SEM1: variants seen among roughly 807,000 people sequenced by gnomAD.
The protein encoded by SEM1 is 26S proteasome complex subunit SEM1.
In SEM1, 3 loss-of-function variants were observed where a neutral mutation model predicts 12.7. The observed-to-expected ratio is 0.24, with a 90% CI of 0.11 to 0.61. The LOEUF (loss-of-function observed/expected upper bound fraction) is 0.61. Among genes scored for constraint, SEM1 ranks in the 20% least tolerant of loss-of-function variants. The probability of loss-of-function intolerance (pLI) is 0.88; values close to 1 mark genes in which losing one functional copy is unlikely to be tolerated. For missense variants in SEM1, 59 were observed against 81.3 expected (o/e 0.73, Z 1.06); for synonymous variants, 30 against 27.8 (o/e 1.08, Z -0.25).
chr7:96,708,116 A>G (rs963208530), intron 1 of SEM1: 22 of 152,204 alleles, frequency 1.4e-4, no homozygotes, highest in African/African-American at 5.1e-4. Context: ...TGCTATTTGA[A>G]GTATTAAGTT....
intron 2 of SEM1, among the ~76,000 whole-genome samples, chr7:96,518,878 G>T (rs1477389356): frequency 6.6e-6 from 1 of 152,166 alleles, no homozygotes; most frequent in Non-Finnish European, 1.5e-5. Flanking sequence ...AGTATGTGCT[G>T]CCATTATCCA....
chr7:96,587,850 A>G (rs2116113099), intron 2 of SEM1, among the ~76,000 whole-genome samples: 1 of 152,342 alleles, frequency 6.6e-6, no homozygotes, highest in South Asian at 2.1e-4. Flanking sequence ...CTTGTTCAAT[A>G]AATTTGACAT....
At chr7:96,544,909 G>T (rs1278222817) in intron 2 of SEM1, among the ~76,000 whole-genome samples, 1 of 151,902 alleles carries the variant, frequency 6.6e-6, no homozygotes, top group African/African-American at 2.4e-5. Flanking sequence ...CCTTGGTCTT[G>T]CTGTCTCAGG....
intron 2 of SEM1, among the ~76,000 whole-genome samples, chr7:96,657,973 C>T (rs757647715): frequency 3.3e-5 from 5 of 152,202 alleles, no homozygotes; most frequent in Non-Finnish European, 5.9e-5. Context: ...CACCTGCTGA[C>T]AGGGTCTTTC....
At chr7:96,496,206 A>C in intron 1 of SEM1, 1 of 874,124 alleles carries the variant, frequency 1.1e-6, no homozygotes, top group Non-Finnish European at 1.8e-6. Context: ...GTCATAGTAC[A>C]CTCAAGGTAT....
At chr7:96,579,449 T>C (rs1806313087) in intron 2 of SEM1, among the ~76,000 whole-genome samples, 1 of 152,210 alleles carries the variant, frequency 6.6e-6, no homozygotes, top group Admixed American at 6.5e-5. Context: ...TCATAAATGA[T>C]GACAGAGGAG....
chr7:96,623,497 A>C (rs1807959480), intron 2 of SEM1, among the ~76,000 whole-genome samples: 1 of 147,488 alleles, frequency 6.8e-6, no homozygotes, highest in Admixed American at 6.8e-5. Flanking sequence ...TAAATAGATA[A>C]ATTTGTATAA....
At position 96,591,569 on chromosome 7, in the gene SEM1, A is replaced by G. The variant is rs541571555; in HGVS notation, c.171-84871T>C. Among the ~76,000 whole-genome samples, 158 of 152,352 alleles carry G rather than the reference A, an allele frequency of 1.0e-3. 1 individual carries two copies. Among genetic ancestry groups the G allele is most frequent in the Non-Finnish European group, 1.4e-3 (95 of 68,030 alleles). On this transcript the variant is annotated intron_variant and NMD_transcript_variant, in intron 2 of 3. Coordinates refer to the SEM1 transcript ENST00000466986. ...ATAGCTAGCTCTACACATGCACTCCATATAAAACTGATGATTTCATCAGAT... is the reference window on the plus strand; with the variant it reads ...ATAGCTAGCTCTACACATGCACTCCGTATAAAACTGATGATTTCATCAGAT...
At chr7:96,597,353 G>C (rs937618873) in intron 2 of SEM1, among the ~76,000 whole-genome samples, 3 of 152,084 alleles carry the variant, frequency 2.0e-5, no homozygotes, top group African/African-American at 7.2e-5. Context: ...CTTGGAAGAG[G>C]CATATCAGAA....
At chr7:96,585,689 G>C (rs565812188) in intron 2 of SEM1, among the ~76,000 whole-genome samples, 2 of 152,162 alleles carry the variant, frequency 1.3e-5, no homozygotes, top group Non-Finnish European at 2.9e-5. Flanking sequence ...TTTTAAGCCC[G>C]TCGGAAAAGT....
chr7:96,525,429 C>T (rs1804422967), intron 2 of SEM1, among the ~76,000 whole-genome samples: 1 of 152,054 alleles, frequency 6.6e-6, no homozygotes, highest in Non-Finnish European at 1.5e-5. Context: ...AAAGTGGTTA[C>T]TTCTGTATAG....
chr7:96,530,869 A>G (rs569863102), intron 2 of SEM1, among the ~76,000 whole-genome samples: 18 of 152,182 alleles, frequency 1.2e-4, no homozygotes, highest in African/African-American at 4.1e-4. Flanking sequence ...GGTTGGGGTG[A>G]GGGAAAAGGG....
chr7:96,581,040 T>C (rs1806383512), intron 2 of SEM1, among the ~76,000 whole-genome samples: 1 of 152,246 alleles, frequency 6.6e-6, no homozygotes, highest in South Asian at 2.1e-4. Context: ...ATGAAGTCCT[T>C]GCCCATGCCT....
At chr7:96,573,088 G>T (rs911639951) in intron 2 of SEM1, among the ~76,000 whole-genome samples, 1 of 146,694 alleles carries the variant, frequency 6.8e-6, no homozygotes, top group Non-Finnish European at 1.5e-5. Context: ...TGTTTCATCA[G>T]AGACTAGGAT....
intron 2 of SEM1, among the ~76,000 whole-genome samples, chr7:96,629,699 T>C (rs531939382): frequency 8.5e-5 from 13 of 152,240 alleles, no homozygotes; most frequent in Non-Finnish European, 1.8e-4. Context: ...CTTGTAGATA[T>C]TTGTCTGTGT....
At chr7:96,558,525 G>A (rs1352948396) in intron 2 of SEM1, among the ~76,000 whole-genome samples, 1 of 152,146 alleles carries the variant, frequency 6.6e-6, no homozygotes, top group East Asian at 1.9e-4. Flanking sequence ...GGCAGACAGG[G>A]GAGGAGCTGC....
intron 2 of SEM1, among the ~76,000 whole-genome samples, chr7:96,525,301 A>C (rs1804416477): frequency 6.7e-6 from 1 of 150,292 alleles, no homozygotes; most frequent in Non-Finnish European, 1.5e-5. Context: ...TGGGCCCTGC[A>C]CCAGACCTAA....
chr7:96,606,701 C>A lies in SEM1; in HGVS notation c.170+88097G>T, dbSNP rs142465123. Among the ~76,000 whole-genome samples, 206 of 152,328 alleles carry A rather than the reference C, an allele frequency of 1.4e-3. 1 individual carries two copies. The highest frequency in any genetic ancestry group is 4.8e-3 in the African/African-American group (199 of 41,570). On this transcript the variant is annotated intron_variant and NMD_transcript_variant, in intron 2 of 3. Transcript: ENST00000466986. ...TTGAGGTTGAAGCATAACTCTTGGG[C>A]ATAAAGTAGGCTACATTCAACAACT...
intron 1 of SEM1, among the ~76,000 whole-genome samples, chr7:96,699,349 T>A (rs1369308977): frequency 6.6e-6 from 1 of 152,164 alleles, no homozygotes; most frequent in Non-Finnish European, 1.5e-5. Flanking sequence ...CTGACTCTAG[T>A]CTTTCTATCT....
Sources: gnomAD v4.1 joint callset for allele counts (sites outside exome capture counted in the v4.1 genomes callset) on GRCh38, gnomAD v4.1.1 for gene constraint, MANE v1.5 for transcripts, NCBI Gene and HGNC (gene_info 2026-07-23, HGNC 2026-07-21) for gene names.